VAV1: variants seen among roughly 807,000 people sequenced by gnomAD.
VAV1 encodes the protein vav guanine nucleotide exchange factor 1, also known as proto-oncogene vav.
VAV1 carries 33 observed loss-of-function variants against 128.1 expected under a neutral mutation model. The observed-to-expected ratio is 0.26, with a 90% confidence interval of 0.20 to 0.34. VAV1 has a LOEUF of 0.34. VAV1 is among the 10% of genes least tolerant of loss of function. VAV1 has a pLI of 1.00. For missense variants in VAV1, 715 were observed against 1,093.7 expected (o/e 0.65, Z 4.88); for synonymous variants, 394 against 409.8 (o/e 0.96, Z 0.47).
rs751028226 is a variant in VAV1, at chr19:6,828,882, G to C, written c.1247G>C (p.Arg416Pro). Residue 416 changes from arginine to proline, a missense_variant, in exon 13 of 27, where the codon CGG becomes CCG. By Grantham distance (103) the Arg-to-Pro change is moderately radical. This residue lies in a region of VAV1 where 407 missense variants were observed against 580.6 expected (regional missense o/e 0.70). Coordinates refer to ENST00000602142, the MANE Select transcript of VAV1 (RefSeq NM_005428.4). The surrounding 1 kb of genome is among the most constrained non-coding windows in gnomAD (Gnocchi z 4.5). ...GAACTCAAGATCACCTCGGTGGAAC[G>C]GCGCTCCAAGATGGACAGGTGGGTG... ...DGELKITSVE[R>P]RSKMDRYAFL... is the part of the protein sequence containing the mutation. The C allele has an allele frequency of 1.2e-6, 2 of 1,614,122 alleles. No homozygotes were observed. Among genetic ancestry groups the C allele is most frequent in the Admixed American group, 1.7e-5 (1 of 60,010 alleles).
chr19:6,773,661 TG>T (rs1970551917), intron 1 of VAV1, among the ~76,000 whole-genome samples: 1 of 152,080 alleles, frequency 6.6e-6, no homozygotes, highest in Non-Finnish European at 1.5e-5. Context: ...TCTTGGTGCT[TG>T]GAAGAGCTGC....
intron 1 of VAV1, among the ~76,000 whole-genome samples, chr19:6,800,913 C>T (rs1264603902): frequency 6.6e-6 from 1 of 152,180 alleles, no homozygotes; most frequent in Non-Finnish European, 1.5e-5. Flanking sequence ...AGGCGTGAGC[C>T]ACCGCACCCA....
At chr19:6,780,003 C>T (rs955919181) in intron 1 of VAV1, among the ~76,000 whole-genome samples, 39 of 148,496 alleles carry the variant, frequency 2.6e-4, no homozygotes, top group African/African-American at 9.3e-4. Flanking sequence ...CCCAGCTACT[C>T]GGGAGGCTGA....
At chr19:6,841,155 C>A (rs1358149883) in intron 21 of VAV1, among the ~76,000 whole-genome samples, 4 of 151,654 alleles carry the variant, frequency 2.6e-5, no homozygotes, top group African/African-American at 9.7e-5. Context: ...GCTCAAGAGA[C>A]CCACCCTCCT....
chr19:6,822,872 A>G lies in VAV1; in HGVS notation c.654+358A>G, dbSNP rs949465564. Among the ~76,000 whole-genome samples, 3 of 147,388 alleles carry G rather than the reference A, an allele frequency of 2.0e-5. No individual in the cohort carries two copies. The South Asian group carries it at 6.2e-4, about 31-fold the overall frequency. On this transcript the variant is annotated intron_variant, in intron 6 of 26. Transcript: ENST00000602142. The surrounding 1 kb of genome is among the most constrained non-coding windows in gnomAD (Gnocchi z 5.9). The stretch of plus-strand genomic sequence containing the variant: ...ACAAAGTATATATAAAAATATAAAC[A>G]TATAATATGTATAAAATATAAACAT...
chr19:6,834,089 C>T (rs1972159367), intron 19 of VAV1, 136 bp downstream of exon 19: 1 of 1,284,088 alleles, frequency 7.8e-7, no homozygotes, highest in Admixed American at 2.1e-5. Context: ...GTAATCCCAA[C>T]AATTTGGGAG....
At chr19:6,850,482 G>A (rs1972643776) in intron 23 of VAV1, among the ~76,000 whole-genome samples, 188 bp from the exon 24 acceptor site, 1 of 151,232 alleles carries the variant, frequency 6.6e-6, no homozygotes, top group African/African-American at 2.4e-5. Context: ...CCTCTTCTAC[G>A]AGAGGAAGAC....
intron 1 of VAV1, among the ~76,000 whole-genome samples, chr19:6,814,671 C>CCTTCCTTCCTTCCTTCCTTCCTT: frequency 3.9e-5 from 1 of 25,796 alleles, no homozygotes; most frequent in African/African-American, 1.6e-4. Flanking sequence ...TTCCTTCCTT[C>CCTTCCTTCCTTCCTTCCTTCCTT]CTTTCTTTCT....
Position 6,836,833 on chromosome 19 carries a change from G to GACACAC in VAV1, c.1915-111_1915-106dup, listed in dbSNP as rs60215253. On this transcript the variant is annotated intron_variant, in intron 20 of 26. Coordinates refer to ENST00000602142, the MANE Select transcript of VAV1 (RefSeq NM_005428.4). ...AGAGTGACCATTGAGCAGAGAGATG[G>GACACAC]ACACACACACACACACACACACACA... 1,273 of 873,750 alleles carry GACACAC rather than the reference G, an allele frequency of 1.5e-3. 4 individuals are homozygous for GACACAC. The highest frequency in any genetic ancestry group is 1.8e-3 in the South Asian group (117 of 63,402). 54.1% of individuals were successfully genotyped at this position (873,750 alleles called of 1,614,324 possible).
chr19:6,845,875 TA>T (rs1972508149), intron 22 of VAV1, among the ~76,000 whole-genome samples: 1 of 148,184 alleles, frequency 6.7e-6, no homozygotes, highest in Non-Finnish European at 1.5e-5. Flanking sequence ...TATCATAGTA[TA>T]TTTATATTAC....
intron 24 of VAV1, 78 bp downstream of exon 24, chr19:6,850,835 C>CT: frequency 6.8e-7 from 1 of 1,465,874 alleles, no homozygotes; most frequent in Non-Finnish European, 9.5e-7. Flanking sequence ...TTGGGACCCC[C>CT]TTTTCCCACA....
chr19:6,792,888 C>T (rs908088498), intron 1 of VAV1, among the ~76,000 whole-genome samples: 3 of 152,020 alleles, frequency 2.0e-5, no homozygotes, highest in South Asian at 2.1e-4. Context: ...GAGTGTCTTC[C>T]AATGCCCAGG....
At chr19:6,845,636 A>G (rs1309356101) in intron 22 of VAV1, among the ~76,000 whole-genome samples, 1 of 150,478 alleles carries the variant, frequency 6.6e-6, no homozygotes, top group Non-Finnish European at 1.5e-5. Context: ...CATAAAATAT[A>G]TTTATATTAT....
At chr19:6,810,575 GGC>G (rs1417895654) in intron 1 of VAV1, among the ~76,000 whole-genome samples, 1 of 151,856 alleles carries the variant, frequency 6.6e-6, no homozygotes, top group African/African-American at 2.4e-5. Context: ...CGTGGTGGCG[GGC>G]GCCTGTAATC....
intron 1 of VAV1, among the ~76,000 whole-genome samples, chr19:6,805,018 A>G (rs1359621923): frequency 6.6e-6 from 1 of 151,298 alleles, no homozygotes; most frequent in Non-Finnish European, 1.5e-5. Flanking sequence ...GGTGTGAGCC[A>G]CCGCCCCCCG....
At chr19:6,850,330 G>A (rs1972640311) in intron 23 of VAV1, among the ~76,000 whole-genome samples, 1 of 145,422 alleles carries the variant, frequency 6.9e-6, no homozygotes, top group South Asian at 2.3e-4. Context: ...ACAGAAATGG[G>A]TCTTTCCTCC....
intron 1 of VAV1, among the ~76,000 whole-genome samples, chr19:6,804,869 G>T (rs1335946767): frequency 6.6e-6 from 1 of 151,560 alleles, no homozygotes; most frequent in Non-Finnish European, 1.5e-5. Flanking sequence ...GACTACAGGC[G>T]CCCGCCACCA....
intron 7 of VAV1, 55 bp from the exon 8 acceptor site, chr19:6,825,248 C>A: frequency 6.3e-7 from 1 of 1,585,508 alleles, no homozygotes; most frequent in Non-Finnish European, 8.6e-7. Flanking sequence ...CCTTTCCTTC[C>A]TGGCCCCCTG....
rs1400229857 is a variant in VAV1, at chr19:6,822,074, C to T, written c.450-147C>T. 8 of 998,252 alleles carry T rather than the reference C, an allele frequency of 8.0e-6. No homozygotes were observed. Among genetic ancestry groups the T allele is most frequent in the Non-Finnish European group, 1.0e-5 (7 of 668,538 alleles). The allele number at this position is 998,252 out of a possible 1,614,324, so 61.8% of individuals were successfully genotyped here. On this transcript the variant is annotated intron_variant, in intron 4 of 26. Transcript: ENST00000602142. The surrounding 1 kb of genome is among the most constrained non-coding windows in gnomAD (Gnocchi z 5.9). ...GGGTCTTGGGGGACATGGCCCTGCCCTGGAGCTTGGAGGGACATGGCCTGC... is the reference window on the plus strand; with the variant it reads ...GGGTCTTGGGGGACATGGCCCTGCCTTGGAGCTTGGAGGGACATGGCCTGC...
Sources: allele counts gnomAD v4.1 joint callset (sites outside exome capture counted in the v4.1 genomes callset), GRCh38; gene constraint gnomAD v4.1.1; regional missense constraint gnomAD v4.1.1; non-coding constraint Gnocchi (gnomAD v3.1); transcripts MANE v1.5; gene names NCBI Gene and HGNC (gene_info 2026-07-23, HGNC 2026-07-21).